The following OTOG variants were observed in gnomAD, a reference collection of about 807,000 sequenced individuals.
OTOG encodes the protein otogelin.
In OTOG, 296 loss-of-function variants were observed where a neutral mutation model predicts 313.8. The observed-to-expected ratio is 0.94, with a 90% CI of 0.86 to 1.04. The LOEUF is 1.04. Ranked by LOEUF, OTOG falls within the 50% of genes least tolerant of loss-of-function variation. OTOG has a pLI of 0.00. For missense variants in OTOG, 3,948 were observed against 3,840.1 expected, an observed-to-expected ratio of 1.03 and a Z score of -0.74; for synonymous variants, 1,533 against 1,554.9, an observed-to-expected ratio of 0.99 and a Z score of 0.33.
chr11:17,626,711 A>T (rs1202369229), intron 39 of OTOG, among the ~76,000 whole-genome samples: 3 of 152,188 alleles, frequency 2.0e-5, no homozygotes, highest in Admixed American at 2.0e-4. Context: ...TTCTTTGGGT[A>T]ATATGTACAT....
intron 22 of OTOG, 182 bp from the exon 23 acceptor site, chr11:17,578,191 A>G: frequency 7.6e-7 from 1 of 1,319,050 alleles, no homozygotes; most frequent in Non-Finnish European, 9.7e-7. Context: ...TGTGACAGAC[A>G]GCACACATCT....
chr11:17,591,414 G>T (rs955759862), intron 24 of OTOG, 36 bp from the exon 25 acceptor site: 4 of 1,549,164 alleles, frequency 2.6e-6, no homozygotes, highest in Non-Finnish European at 3.5e-6. Context: ...TGGGGTGGGT[G>T]TGCCCTGTGA....
chr11:17,625,652 AT>A (rs1436193632), intron 39 of OTOG, among the ~76,000 whole-genome samples: 4 of 152,128 alleles, frequency 2.6e-5, no homozygotes, highest in East Asian at 1.9e-4. Flanking sequence ...AGATTATTAG[AT>A]TTTTTTCCTA....
Position 17,610,823 on chromosome 11 carries a change from T to A in OTOG, c.5523T>A (p.Pro1841=). ...TPLQPQATTL[P]AQTLSPVLPF... ...TCCAGCCACAGGCCACGACTCTGCC[T>A]GCTCAGACACTTAGCCCAGTACTGC... The change falls in exon 36 of 56, where the codon CCT becomes CCA. Residue 1841 remains proline, a synonymous_variant. Transcript: ENST00000399397. 1.3e-6 allele frequency: 2 copies of A among 1,550,962 alleles called. No individual in the cohort carries two copies. The highest frequency in any genetic ancestry group is 1.7e-6 in the Non-Finnish European group (2 of 1,147,018).
intron 32 of OTOG, among the ~76,000 whole-genome samples, chr11:17,605,435 G>A (rs1458990239): frequency 6.6e-6 from 1 of 152,188 alleles, no homozygotes; most frequent in Non-Finnish European, 1.5e-5. Context: ...CCTTCAGCGT[G>A]CCCCACATGT....
chr11:17,630,157 G>A (rs150791456), intron 40 of OTOG, among the ~76,000 whole-genome samples: 5 of 152,060 alleles, frequency 3.3e-5, no homozygotes, highest in Admixed American at 1.3e-4. Context: ...TGTACCAGTC[G>A]CTGGGGACAA....
At chr11:17,635,761 A>G in intron 47 of OTOG, 50 bp downstream of exon 47, 1 of 1,452,604 alleles carries the variant, frequency 6.9e-7, no homozygotes, top group Non-Finnish European at 9.4e-7. Context: ...GGGGCCCTTC[A>G]CAGAGTTCCC....
chr11:17,624,410 G>C (rs1853935427), intron 39 of OTOG, among the ~76,000 whole-genome samples: 1 of 152,144 alleles, frequency 6.6e-6, no homozygotes, highest in Non-Finnish European at 1.5e-5. Flanking sequence ...TGAATAGAGA[G>C]TACTTTACCT....
intron 23 of OTOG, among the ~76,000 whole-genome samples, chr11:17,584,981 G>A (rs1852759554): frequency 6.6e-6 from 1 of 152,132 alleles, no homozygotes; most frequent in Non-Finnish European, 1.5e-5. Context: ...AATATTCTGT[G>A]GTCTGTGGTT....
At chr11:17,602,074 G>T (rs756399102) in intron 31 of OTOG, 136 bp from the exon 32 acceptor site, 2 of 974,576 alleles carry the variant, frequency 2.1e-6, no homozygotes, top group Non-Finnish European at 3.0e-6. Flanking sequence ...CCTGAGATCT[G>T]GGATGAAGGA....
chr11:17,614,131 G>A (rs375352547), intron 39 of OTOG, among the ~76,000 whole-genome samples: 1 of 152,116 alleles, frequency 6.6e-6, no homozygotes, highest in East Asian at 1.9e-4. Flanking sequence ...CAAGGAGGCC[G>A]GGGTATCCAA....
chr11:17,604,502 A>T (rs1252145217), intron 32 of OTOG, among the ~76,000 whole-genome samples: 1 of 152,208 alleles, frequency 6.6e-6, no homozygotes, highest in Non-Finnish European at 1.5e-5. Context: ...CTCTGGTCTC[A>T]GCCTGCCTGC....
chr11:17,634,423 A>G (rs1187523097), intron 44 of OTOG, 142 bp downstream of exon 44: 2 of 929,370 alleles, frequency 2.2e-6, no homozygotes, highest in Non-Finnish European at 3.2e-6. Context: ...GGAGGGGAGA[A>G]CCCTCCCTGG....
chr11:17,623,629 A>G (rs1256572478), intron 39 of OTOG, among the ~76,000 whole-genome samples: 1 of 152,134 alleles, frequency 6.6e-6, no homozygotes, highest in Non-Finnish European at 1.5e-5. Flanking sequence ...TGTGTTTATG[A>G]TAGAATAATT....
At position 17,591,529 on chromosome 11, in the gene OTOG, C is replaced by T. The variant is rs556631973; in HGVS notation, c.2947C>T (p.Arg983Cys). 71 of 1,550,680 alleles carry T rather than the reference C, an allele frequency of 4.6e-5. No homozygotes were observed. In the African/African-American group the frequency reaches 5.7e-4, roughly 13 times the overall value. ...CACTGCCTATGGGGACCGGCATTAC[C>T]GCACGTTTGATGGGCTCCCGTTTGA... ...TCTAYGDRHY[R>C]TFDGLPFDFV... Residue 983 changes from arginine to cysteine, a missense_variant, in exon 25 of 56, where the codon CGC becomes TGC. Physicochemically the swap from Arg to Cys is radical, Grantham distance 180 (BLOSUM62 -3). Transcript: ENST00000399397.
In OTOG at chr11:17,637,477, T is replaced by A. The variant is rs1272516790; in HGVS notation, c.7796-974T>A. 2.0e-5 allele frequency among the ~76,000 whole-genome samples: 3 copies of A among 152,200 alleles called. No homozygotes were observed. In the South Asian group the frequency reaches 6.2e-4, roughly 31 times the overall value. ...GTTCCCGCTTCTGGACTTCACCAGT[T>A]GCTTTCTTTTGGAGCTGCTTACCTT... is the stretch of plus-strand genomic sequence containing the variant. On this transcript the variant is annotated intron_variant, in intron 47 of 55. Transcript: ENST00000399397.
Position 17,576,882 on chromosome 11 carries a change from G to T in OTOG, c.2576G>T (p.Gly859Val). The T allele has an allele frequency of 1.9e-6, 3 of 1,550,506 alleles. No homozygotes were observed. Among genetic ancestry groups the T allele is most frequent in the Non-Finnish European group, 2.6e-6 (3 of 1,146,978 alleles). Residue 859 changes from glycine to valine, a missense_variant, in exon 22 of 56, where the codon GGA (glycine) becomes GTA (valine). Gly to Val is a moderately radical substitution (Grantham distance 109, BLOSUM62 -3). Transcript: ENST00000399397. ...TCTCTCTGCAGCCACTGCAAAGATG[G>T]AGTCATGAGCTGTGATAGCAGAGCC... The part of the protein sequence containing the change: ...PSLGHCHCKD[G>V]VMSCDSRAPA...
Position 17,621,563 on chromosome 11 carries a change from A to C in OTOG, c.6529-7570A>C, listed in dbSNP as rs115958135. ...TGAAAATTCAGGACAGGGTCAGGAC[A>C]GGGTTGGAGGGGGATTCTGCAAAGC... On this transcript the variant is annotated intron_variant, in intron 39 of 55. Coordinates refer to ENST00000399397, the MANE Select transcript of OTOG (RefSeq NM_001292063.2). Among the ~76,000 whole-genome samples, 1,517 of 152,208 alleles carry C rather than the reference A, an allele frequency of 1.0e-2. 30 individuals are homozygous for C. Among genetic ancestry groups the C allele is most frequent in the African/African-American group, 0.035 (1,448 of 41,534 alleles).
intron 24 of OTOG, 80 bp from the exon 25 acceptor site, chr11:17,591,370 G>C: frequency 6.6e-7 from 1 of 1,512,422 alleles, no homozygotes; most frequent in African/African-American, 1.4e-5. Context: ...ACATGCATTC[G>C]ATAAGCCATG....
Sources: allele counts gnomAD v4.1 joint callset (sites outside exome capture counted in the v4.1 genomes callset), GRCh38; gene constraint gnomAD v4.1.1; transcripts MANE v1.5; gene names NCBI Gene and HGNC (gene_info 2026-07-23, HGNC 2026-07-21).